The following ZEB1 variants were observed in gnomAD, a reference collection of about 807,000 sequenced individuals.
ZEB1 encodes zinc finger E-box binding homeobox 1.
A neutral mutation model predicts 84.9 loss-of-function variants in ZEB1; 21 were observed. The ratio of observed to expected loss-of-function variants is 0.25; its 90% CI spans 0.18 to 0.36. The LOEUF (loss-of-function observed/expected upper bound fraction) is 0.36, where lower values mean the gene tolerates loss of function less well. Ranked by LOEUF, ZEB1 falls within the 10% of genes least tolerant of loss-of-function variation. ZEB1 has a pLI of 1.00. For synonymous variants in ZEB1, 420 were observed against 471.1 expected, an observed-to-expected ratio of 0.89 and a Z score of 1.41; for missense variants, 1,104 against 1,330.2, an observed-to-expected ratio of 0.83 and a Z score of 2.65.
intron 1 of ZEB1, among the ~76,000 whole-genome samples, chr10:31,392,295 A>G (rs2049887288): frequency 6.6e-6 from 1 of 152,214 alleles, no homozygotes. Context: ...TCTGTCTCCA[A>G]AACTAAAACT....
At chr10:31,490,822 T>C (rs1338595769) in intron 2 of ZEB1, among the ~76,000 whole-genome samples, 8 of 151,836 alleles carry the variant, frequency 5.3e-5, no homozygotes, top group African/African-American at 2.4e-5. Context: ...CTTCGTCTTA[T>C]TTAAATCCTA....
intron 1 of ZEB1, among the ~76,000 whole-genome samples, chr10:31,367,023 A>C (rs1590386276): frequency 6.6e-6 from 1 of 152,294 alleles, no homozygotes; most frequent in Non-Finnish European, 1.5e-5. Context: ...AGAAGTAATG[A>C]AGTATATAAG....
chr10:31,411,053 C>G (rs1006165973), intron 1 of ZEB1, among the ~76,000 whole-genome samples: 3 of 152,156 alleles, frequency 2.0e-5, no homozygotes, highest in Non-Finnish European at 4.4e-5. Flanking sequence ...AATTTGTTTG[C>G]TCTTGCTTCT....
intron 1 of ZEB1, among the ~76,000 whole-genome samples, chr10:31,400,877 T>G (rs543210319): frequency 4.6e-5 from 7 of 152,312 alleles, no homozygotes; most frequent in African/African-American, 1.7e-4. Context: ...TTCTTGACTA[T>G]ATGCATAACT....
intron 1 of ZEB1, among the ~76,000 whole-genome samples, chr10:31,395,696 A>T (rs1001746317): frequency 6.6e-6 from 1 of 152,180 alleles, no homozygotes; most frequent in African/African-American, 2.4e-5. Flanking sequence ...AGATTATGCC[A>T]AAAGAGTGAC....
intron 1 of ZEB1, among the ~76,000 whole-genome samples, chr10:31,364,846 G>A (rs2044158463): frequency 6.6e-6 from 1 of 152,144 alleles, no homozygotes; most frequent in Non-Finnish European, 1.5e-5. Flanking sequence ...TGTAGTCCTG[G>A]GGTACTTAGC....
intron 5 of ZEB1, 114 bp from the exon 6 acceptor site, chr10:31,514,489 A>T (rs2070708623): frequency 3.3e-6 from 3 of 918,244 alleles, no homozygotes; most frequent in Non-Finnish European, 5.0e-6. Flanking sequence ...GGTCTTTAAG[A>T]AACAAAACAA....
intron 1 of ZEB1, among the ~76,000 whole-genome samples, chr10:31,408,879 G>A (rs1210580140): frequency 6.6e-5 from 10 of 150,420 alleles, no homozygotes; most frequent in Non-Finnish European, 1.5e-4. Context: ...GGCAACAAAA[G>A]CCAAAATTGA....
rs146870615 is a variant in ZEB1, at chr10:31,487,116, T to C, written c.260-8660T>C. On this transcript the variant is annotated intron_variant, in intron 2 of 8. Transcript: ENST00000424869. ...GACTTTGTTCCATTCTGTTGATCTG[T>C]ACATCCATCCTTTTGCCAATACCAC... 9.1e-3 allele frequency among the ~76,000 whole-genome samples: 1,386 copies of C among 151,620 alleles called. 13 individuals carry two copies. The highest frequency in any genetic ancestry group is 0.031 in the African/African-American group (1,296 of 41,500).
At chr10:31,370,331 C>T (rs1438780966) in intron 1 of ZEB1, among the ~76,000 whole-genome samples, 3 of 152,022 alleles carry the variant, frequency 2.0e-5, no homozygotes, top group African/African-American at 4.8e-5. Context: ...GATGTGATGG[C>T]CGGGCGCAGT....
intron 2 of ZEB1, among the ~76,000 whole-genome samples, chr10:31,471,626 C>A (rs1325946028): frequency 7.0e-6 from 1 of 142,780 alleles, no homozygotes; most frequent in Non-Finnish European, 1.5e-5. Context: ...ACTTTAACAC[C>A]CCACTGTCAA....
chr10:31,406,847 T>C (rs1226708572), intron 1 of ZEB1, among the ~76,000 whole-genome samples: 2 of 152,140 alleles, frequency 1.3e-5, no homozygotes, highest in African/African-American at 4.8e-5. Flanking sequence ...AAGTGTTTAA[T>C]CTATCTTGAG....
intron 2 of ZEB1, among the ~76,000 whole-genome samples, chr10:31,488,267 G>T (rs927727480): frequency 6.6e-5 from 10 of 151,146 alleles, no homozygotes; most frequent in African/African-American, 2.4e-4. Flanking sequence ...GAATATTCAG[G>T]TTTTGTATTC....
chr10:31,475,869 A>T (rs1263325897), intron 2 of ZEB1, among the ~76,000 whole-genome samples: 1 of 152,142 alleles, frequency 6.6e-6, no homozygotes, highest in Non-Finnish European at 1.5e-5. Flanking sequence ...CCAATAAAGC[A>T]GTTACACAAC....
At chr10:31,502,323 T>C in intron 3 of ZEB1, 25 bp from the exon 4 acceptor site, 1 of 1,612,628 alleles carries the variant, frequency 6.2e-7, no homozygotes, top group Non-Finnish European at 8.5e-7. Context: ...GAGATTGCTG[T>C]CTTAAAAGTA....
chr10:31,496,574 G>A (rs2067268730), intron 3 of ZEB1, among the ~76,000 whole-genome samples: 1 of 152,042 alleles, frequency 6.6e-6, no homozygotes, highest in Non-Finnish European at 1.5e-5. Flanking sequence ...AGAACTGTTA[G>A]AATGTAAACT....
At chr10:31,387,187 T>C (rs2048782336) in intron 1 of ZEB1, 1 of 985,720 alleles carries the variant, frequency 1.0e-6, no homozygotes, top group South Asian at 4.7e-5. Flanking sequence ...AAGAAAGATC[T>C]GCAGATCTTT....
At chr10:31,504,536 G>A (rs1156766483) in intron 4 of ZEB1, among the ~76,000 whole-genome samples, 2 of 151,922 alleles carry the variant, frequency 1.3e-5, no homozygotes, top group East Asian at 1.9e-4. Context: ...TCTGTAGATC[G>A]CTCTGGGCAA....
At chr10:31,428,159 A>AGG (rs1209975652) in intron 1 of ZEB1, among the ~76,000 whole-genome samples, 2 of 152,072 alleles carry the variant, frequency 1.3e-5, no homozygotes, top group Non-Finnish European at 2.9e-5. Context: ...TTGTGATGTC[A>AGG]GGTTGTTAAC....
Sources: gnomAD v4.1 joint callset for allele counts (sites outside exome capture counted in the v4.1 genomes callset) on GRCh38, gnomAD v4.1.1 for gene constraint, MANE v1.5 for transcripts, NCBI Gene and HGNC (gene_info 2026-07-23, HGNC 2026-07-21) for gene names.